Variants in CSMD1 observed in about 807,000 individuals in gnomAD.
CSMD1 encodes the protein CUB and sushi domain-containing protein 1.
A neutral mutation model predicts 417.5 loss-of-function variants in CSMD1; 213 were observed. The ratio of observed to expected loss-of-function variants is 0.51; its 90% CI spans 0.46 to 0.57. The LOEUF is 0.57. Among genes scored for constraint, CSMD1 ranks in the 20% least tolerant of loss-of-function variants. The probability of loss-of-function intolerance (pLI) is 0.00; values close to 1 mark genes in which losing one functional copy is unlikely to be tolerated. For missense variants in CSMD1, 6,923 were observed against 4,529.7 expected, an observed-to-expected ratio of 1.53 and a Z score of -15.17; for synonymous variants, 2,862 against 1,736.8, an observed-to-expected ratio of 1.65 and a Z score of -16.11.
At position 4,622,301 on chromosome 8, in the gene CSMD1, G is replaced by A. The variant is rs558695502; in HGVS notation, c.302+15041C>T. Among the ~76,000 whole-genome samples, 3 of 152,214 alleles carry A rather than the reference G, an allele frequency of 2.0e-5. No individual in the cohort carries two copies. The South Asian group carries it at 6.2e-4, about 32-fold the overall frequency. On this transcript the variant is annotated intron_variant, in intron 2 of 69. Coordinates refer to ENST00000635120, the MANE Select transcript of CSMD1 (RefSeq NM_033225.6). Reference sequence around the variant, plus strand: ...TGAGATTCAGAGCTGGCTGAGGAGGGAGGATTTAGTGGCCCACCGGGCAGC... The same window carrying A: ...TGAGATTCAGAGCTGGCTGAGGAGGAAGGATTTAGTGGCCCACCGGGCAGC...
At chr8:3,913,955 A>G (rs568447778) in intron 5 of CSMD1, among the ~76,000 whole-genome samples, 1 of 152,020 alleles carries the variant, frequency 6.6e-6, no homozygotes, top group Non-Finnish European at 1.5e-5. Context: ...TTTTGACTTC[A>G]GATAAAGGAA....
At chr8:3,812,447 G>C (rs916077531) in intron 5 of CSMD1, among the ~76,000 whole-genome samples, 1 of 152,062 alleles carries the variant, frequency 6.6e-6, no homozygotes, top group Non-Finnish European at 1.5e-5. Flanking sequence ...CAATGATGTG[G>C]CTAGATTAAA....
intron 4 of CSMD1, among the ~76,000 whole-genome samples, chr8:4,024,841 A>G (rs1007118395): frequency 2.6e-5 from 4 of 152,218 alleles, no homozygotes; most frequent in African/African-American, 4.8e-5. Context: ...AAGCTCTGCA[A>G]TGCTGCTGAG....
rs139836345 is a variant in CSMD1 at position 3,160,285 on chromosome 8, G to T, written c.5844+1874C>A. ...CTAAAGGAATGCGCCGCCATGCCCA[G>T]CTCATTTTTGTATTTTTTGTAGAGA... On this transcript the variant is annotated intron_variant, in intron 38 of 69. Transcript: ENST00000635120. Among the ~76,000 whole-genome samples the T allele has an allele frequency of 3.5e-3, 529 of 152,202 alleles. 2 individuals carry two copies. The highest frequency in any genetic ancestry group is 0.012 in the African/African-American group (518 of 41,528).
rs144308419 is a variant in CSMD1, at chr8:2,966,286, C to T, written c.9100+284G>A. Among the ~76,000 whole-genome samples, 5 of 152,126 alleles carry T rather than the reference C, an allele frequency of 3.3e-5. No individual in the cohort carries two copies. In the South Asian group the frequency reaches 8.3e-4, roughly 25 times the overall value. On this transcript the variant is annotated intron_variant, in intron 58 of 69. Coordinates refer to ENST00000635120, the MANE Select transcript of CSMD1 (RefSeq NM_033225.6). ...ACCAAAGACATTTCTTCTTTCTCTG[C>T]AGACCCAGTGGTCTACAGACAAAGT...
intron 3 of CSMD1, among the ~76,000 whole-genome samples, chr8:4,062,019 G>A (rs1290943620): frequency 1.3e-5 from 2 of 152,128 alleles, no homozygotes; most frequent in Non-Finnish European, 2.9e-5. Flanking sequence ...GTAGTGGGGA[G>A]GAGAGCACGC....
chr8:3,970,273 G>C (rs964772315), intron 5 of CSMD1, among the ~76,000 whole-genome samples: 4 of 152,126 alleles, frequency 2.6e-5, no homozygotes, highest in Non-Finnish European at 4.4e-5. Context: ...CTGTATGTCC[G>C]AAGCCTTTGA....
In CSMD1 at chr8:4,653,800, G is replaced by A. The variant is rs1804056816; in HGVS notation, c.86-16242C>T. ...GATATTATTTTGAATTTGAAGGGAG[G>A]CATTTGCAAATAACTAATCTTTATC... is the stretch of plus-strand genomic sequence containing the variant. On this transcript the variant is annotated intron_variant, in intron 1 of 69. Transcript: ENST00000635120. 2.0e-5 allele frequency among the ~76,000 whole-genome samples: 3 copies of A among 152,190 alleles called. No homozygotes were observed. In the South Asian group the frequency reaches 6.2e-4, roughly 32 times the overall value.
At chr8:4,872,139 T>C (rs964931094) in intron 1 of CSMD1, among the ~76,000 whole-genome samples, 1 of 152,138 alleles carries the variant, frequency 6.6e-6, no homozygotes, top group African/African-American at 2.4e-5. Flanking sequence ...CAACAATGTA[T>C]TGAATATGTA....
chr8:4,620,419 C>T (rs4350002), intron 2 of CSMD1, among the ~76,000 whole-genome samples: 4,322 of 151,492 alleles, frequency 0.029, 93 homozygotes, highest in Non-Finnish European at 0.046. Flanking sequence ...ATAATTTGAC[C>T]AGAGTCTAAA....
chr8:3,892,207 C>A (rs980600420), intron 5 of CSMD1, among the ~76,000 whole-genome samples: 3 of 152,112 alleles, frequency 2.0e-5, no homozygotes, highest in Admixed American at 1.3e-4. Flanking sequence ...CCCTATTTTA[C>A]AAGGTTAAAT....
intron 2 of CSMD1, among the ~76,000 whole-genome samples, chr8:4,634,847 CTATT>C (rs968227598): frequency 3.3e-5 from 5 of 152,242 alleles, no homozygotes; most frequent in East Asian, 1.9e-4. Context: ...TTTCACATCT[CTATT>C]TATTTCACCT....
At chr8:4,084,497 A>G (rs1371930947) in intron 3 of CSMD1, among the ~76,000 whole-genome samples, 1 of 152,158 alleles carries the variant, frequency 6.6e-6, no homozygotes, top group Non-Finnish European at 1.5e-5. Flanking sequence ...TAAGCCTCTA[A>G]CATTTTAATC....
In CSMD1 at chr8:4,896,900, TG is replaced by T. The variant is rs559527136; in HGVS notation, c.85+97431del. ...AAGGCAGGAAAAAGTAACAGTATCT[TG>T]GGCTCCTTTATTCTTCCTACCCGCC... On this transcript the variant is annotated intron_variant, in intron 1 of 69. Transcript: ENST00000635120. 8.0e-4 allele frequency among the ~76,000 whole-genome samples: 121 copies of T among 152,192 alleles called. 1 individual carries two copies. Among genetic ancestry groups the T allele is most frequent in the African/African-American group, 2.7e-3 (114 of 41,480 alleles).
chr8:3,399,093 G>A (rs898010885), intron 16 of CSMD1, among the ~76,000 whole-genome samples: 2 of 152,088 alleles, frequency 1.3e-5, no homozygotes, highest in Non-Finnish European at 2.9e-5. Context: ...ACATCAAGCT[G>A]AATTGATTCC....
chr8:3,957,869 C>T (rs996839418), intron 5 of CSMD1, among the ~76,000 whole-genome samples: 5 of 152,126 alleles, frequency 3.3e-5, no homozygotes, highest in African/African-American at 1.2e-4. Flanking sequence ...ACATTTGGAG[C>T]CGATGTGGGG....
At chr8:4,927,929 T>C (rs968988841) in intron 1 of CSMD1, among the ~76,000 whole-genome samples, 1 of 152,172 alleles carries the variant, frequency 6.6e-6, no homozygotes, top group African/African-American at 2.4e-5. Context: ...AAAATCATTT[T>C]CTAAGTGTTT....
At chr8:3,736,471 T>C (rs1034179089) in intron 6 of CSMD1, among the ~76,000 whole-genome samples, 1 of 152,110 alleles carries the variant, frequency 6.6e-6, no homozygotes, top group Non-Finnish European at 1.5e-5. Flanking sequence ...TCTCGAAATC[T>C]TGGGCTGAAG....
intron 2 of CSMD1, among the ~76,000 whole-genome samples, chr8:4,484,390 A>T (rs1225804604): frequency 6.6e-6 from 1 of 152,184 alleles, no homozygotes; most frequent in African/African-American, 2.4e-5. Flanking sequence ...ACACTCTCTC[A>T]TTCACGAACT....
Sources: allele counts gnomAD v4.1 joint callset (sites outside exome capture counted in the v4.1 genomes callset), GRCh38; gene constraint gnomAD v4.1.1; transcripts MANE v1.5; gene names NCBI Gene and HGNC (gene_info 2026-07-23, HGNC 2026-07-21).